The following DOCK3 variants were observed in gnomAD, a reference collection of about 807,000 sequenced individuals.
DOCK3 encodes dedicator of cytokinesis 3, also known as dedicator of cytokinesis protein 3.
A neutral mutation model predicts 265.6 loss-of-function variants in DOCK3; 60 were observed. The ratio of observed to expected loss-of-function variants is 0.23; its 90% CI spans 0.18 to 0.28. The LOEUF (loss-of-function observed/expected upper bound fraction) is 0.28. Among genes scored for constraint, DOCK3 ranks in the 10% least tolerant of loss-of-function variants. The pLI is 1.00. For synonymous variants in DOCK3, 881 were observed against 938.0 expected (o/e 0.94, Z 1.11); for missense variants, 1,981 against 2,594.3 (o/e 0.76, Z 5.14).
chr3:50,996,190 A>G (rs892744605), intron 5 of DOCK3, among the ~76,000 whole-genome samples: 1 of 149,026 alleles, frequency 6.7e-6, no homozygotes, highest in Non-Finnish European at 1.5e-5. Flanking sequence ...TTGATCTCTT[A>G]TTTGCAAGGC....
Position 51,384,096 on chromosome 3 carries a change from A to G in DOCK3, c.*2537A>G, listed in dbSNP as rs1169413509. ...TAGCATGTTCAAAATCCAACAAGTA[A>G]TGTGAATTTTAGATGTAAATATCTG... On this transcript the variant is annotated 3_prime_UTR_variant, in exon 53 of 53. Transcript: ENST00000266037. 3 of 152,640 alleles carry G rather than the reference A, an allele frequency of 2.0e-5. No individual in the cohort carries two copies. Among genetic ancestry groups the G allele is most frequent in the Admixed American group, 2.0e-4 (3 of 15,290 alleles). The allele number at this position is 152,640 out of a possible 1,614,324, so 9.5% of individuals were successfully genotyped here. A position where few individuals can be genotyped will look rare whatever the true frequency, so the allele number is the denominator to read the frequency against.
intron 14 of DOCK3, among the ~76,000 whole-genome samples, chr3:51,219,059 A>C (rs758918466): frequency 1.3e-5 from 2 of 152,192 alleles, no homozygotes; most frequent in Non-Finnish European, 2.9e-5. Flanking sequence ...ATTAGAAGGC[A>C]GCTATATAGG....
chr3:50,745,829 T>C (rs1366396520), intron 1 of DOCK3, among the ~76,000 whole-genome samples: 2 of 152,226 alleles, frequency 1.3e-5, no homozygotes, highest in East Asian at 3.9e-4. Flanking sequence ...AAGTGTCCAG[T>C]TCGGCTCCAG....
chr3:51,348,501 C>T (rs1417228093), intron 38 of DOCK3, among the ~76,000 whole-genome samples: 3 of 152,190 alleles, frequency 2.0e-5, no homozygotes, highest in African/African-American at 7.2e-5. Flanking sequence ...TTCTGTTTCT[C>T]ATCTGATTGA....
chr3:51,333,293 G>A (rs1237923417), intron 35 of DOCK3, 40 bp downstream of exon 35: 3 of 1,586,168 alleles, frequency 1.9e-6, no homozygotes, highest in Non-Finnish European at 2.6e-6. Flanking sequence ...CCCTTGTCAG[G>A]ATACTCTCTC....
chr3:50,891,277 G>T (rs2107737260), intron 4 of DOCK3, among the ~76,000 whole-genome samples: 1 of 152,170 alleles, frequency 6.6e-6, no homozygotes, highest in East Asian at 1.9e-4. Flanking sequence ...AATAGATTTG[G>T]AGATGATAGT....
chr3:51,074,553 A>G (rs2081988728), intron 6 of DOCK3, among the ~76,000 whole-genome samples: 1 of 152,150 alleles, frequency 6.6e-6, no homozygotes. Flanking sequence ...GCTAATACAT[A>G]TCTAGGTCTT....
At chr3:50,850,018 C>G (rs888432679) in intron 3 of DOCK3, among the ~76,000 whole-genome samples, 1 of 151,932 alleles carries the variant, frequency 6.6e-6, no homozygotes. Context: ...GTTTTGAATT[C>G]TAGAAGCTCT....
intron 27 of DOCK3, among the ~76,000 whole-genome samples, chr3:51,280,611 A>T (rs2081057776): frequency 1.3e-5 from 2 of 152,098 alleles, no homozygotes; most frequent in Admixed American, 6.5e-5. Context: ...TTTCATTTAA[A>T]TATATTTGTG....
At chr3:51,007,065 A>G (rs545313059) in intron 5 of DOCK3, among the ~76,000 whole-genome samples, 68 of 152,346 alleles carry the variant, frequency 4.5e-4, no homozygotes, top group African/African-American at 1.4e-3. Context: ...GCTATTGTGA[A>G]TAGTGCCACA....
At chr3:50,787,772 C>T in intron 2 of DOCK3, 1 of 1,140,982 alleles carries the variant, frequency 8.8e-7, no homozygotes, top group Non-Finnish European at 1.3e-6. Context: ...TTCTGCTTAT[C>T]ATTCTCTCCA....
chr3:51,256,523 G>A (rs1310673906), intron 22 of DOCK3, among the ~76,000 whole-genome samples: 1 of 150,866 alleles, frequency 6.6e-6, no homozygotes, highest in Non-Finnish European at 1.5e-5. Flanking sequence ...CGGCTGCCTT[G>A]GCATCCCAAA....
intron 5 of DOCK3, among the ~76,000 whole-genome samples, chr3:50,991,375 A>G (rs1279752894): frequency 1.3e-5 from 2 of 152,258 alleles, no homozygotes; most frequent in Non-Finnish European, 2.9e-5. Flanking sequence ...TGACACTCAT[A>G]GGCTCAAAAT....
chr3:51,341,453 TAGGGTTAACAGCAGCTGC>T, intron 38 of DOCK3, 68 bp downstream of exon 38: 1 of 1,586,526 alleles, frequency 6.3e-7, no homozygotes, highest in Non-Finnish European at 8.6e-7. Flanking sequence ...CTTGACACCA[TAGGGTTAACAGCAGCTGC>T]AGGGGGTAGT....
At chr3:50,763,091 G>GT (rs1172151283) in intron 1 of DOCK3, among the ~76,000 whole-genome samples, 1 of 152,018 alleles carries the variant, frequency 6.6e-6, no homozygotes, top group Non-Finnish European at 1.5e-5. Context: ...TCAAAAAGTT[G>GT]TAAGTTCAGA....
chr3:51,169,192 C>T (rs931387733), intron 12 of DOCK3, among the ~76,000 whole-genome samples: 2 of 152,164 alleles, frequency 1.3e-5, no homozygotes, highest in Non-Finnish European at 2.9e-5. Context: ...TCCTCAAAAA[C>T]CTAAAAGCAG....
intron 3 of DOCK3, among the ~76,000 whole-genome samples, chr3:50,849,312 G>A (rs1438135799): frequency 6.6e-6 from 1 of 151,916 alleles, no homozygotes; most frequent in East Asian, 1.9e-4. Context: ...TGGGATTACA[G>A]GTGGGCGCCA....
intron 51 of DOCK3, 32 bp from the exon 52 acceptor site, chr3:51,380,093 C>A: frequency 6.2e-7 from 1 of 1,600,960 alleles, no homozygotes; most frequent in Non-Finnish European, 8.5e-7. Context: ...GCAGGGCCCC[C>A]AGCTGAGGCT....
intron 12 of DOCK3, among the ~76,000 whole-genome samples, chr3:51,176,102 A>G (rs1219090895): frequency 1.3e-5 from 2 of 152,212 alleles, no homozygotes; most frequent in African/African-American, 4.8e-5. Context: ...TTTCTGCTGC[A>G]AAACATAATT....
Sources: gnomAD v4.1 joint callset for allele counts (sites outside exome capture counted in the v4.1 genomes callset) on GRCh38, gnomAD v4.1.1 for gene constraint, MANE v1.5 for transcripts, NCBI Gene and HGNC (gene_info 2026-07-23, HGNC 2026-07-21) for gene names.